SORCS1: variants seen among roughly 807,000 people sequenced by gnomAD.
The protein encoded by SORCS1 is VPS10 domain-containing receptor SorCS1.
A neutral mutation model predicts 146.1 loss-of-function variants in SORCS1; 60 were observed. The ratio of observed to expected loss-of-function variants is 0.41; its 90% CI spans 0.33 to 0.51. The LOEUF is 0.51. SORCS1 is among the 20% of genes least tolerant of loss of function. The pLI is 0.21. For synonymous variants in SORCS1, 637 were observed against 584.0 expected (o/e 1.09, Z -1.31); for missense variants, 1,352 against 1,487.6 (o/e 0.91, Z 1.50).
At chr10:106,778,571 G>T (rs1002184034) in intron 3 of SORCS1, among the ~76,000 whole-genome samples, 2 of 152,166 alleles carry the variant, frequency 1.3e-5, no homozygotes, top group Non-Finnish European at 2.9e-5. Context: ...ATATTTCCAA[G>T]TGAGTTCATA....
intron 6 of SORCS1, among the ~76,000 whole-genome samples, chr10:106,712,915 G>A (rs1387504756): frequency 2.6e-5 from 4 of 152,192 alleles, no homozygotes; most frequent in African/African-American, 9.7e-5. Flanking sequence ...CATATGCAAG[G>A]AGGAATGTTG....
At chr10:106,838,879 C>T (rs1948901535) in intron 2 of SORCS1, among the ~76,000 whole-genome samples, 1 of 152,102 alleles carries the variant, frequency 6.6e-6, no homozygotes, top group African/African-American at 2.4e-5. Context: ...TTATGGAGAT[C>T]CGTGATCAGT....
chr10:106,749,355 G>C (rs1206851920), intron 5 of SORCS1, among the ~76,000 whole-genome samples: 1 of 152,116 alleles, frequency 6.6e-6, no homozygotes, highest in Non-Finnish European at 1.5e-5. Flanking sequence ...TGTGACCTCA[G>C]GCCCCAAACC....
At chr10:106,610,133 C>T (rs1462220394) in intron 22 of SORCS1, among the ~76,000 whole-genome samples, 1 of 152,050 alleles carries the variant, frequency 6.6e-6, no homozygotes, top group Non-Finnish European at 1.5e-5. Context: ...ATGCTGAAAG[C>T]CATAGAGACA....
intron 9 of SORCS1, among the ~76,000 whole-genome samples, chr10:106,688,776 A>G (rs183333807): frequency 2.6e-5 from 4 of 152,354 alleles, no homozygotes; most frequent in Non-Finnish European, 5.9e-5. Context: ...ACAGATGAAG[A>G]AAGCTCAGGC....
At chr10:107,038,244 G>A (rs561284832) in intron 1 of SORCS1, among the ~76,000 whole-genome samples, 2 of 152,286 alleles carry the variant, frequency 1.3e-5, no homozygotes, top group Admixed American at 1.3e-4. Flanking sequence ...TTCCCTAGAT[G>A]GGGAAAACGA....
intron 1 of SORCS1, among the ~76,000 whole-genome samples, chr10:106,975,401 G>A (rs1353384455): frequency 2.0e-5 from 3 of 152,182 alleles, no homozygotes; most frequent in Non-Finnish European, 4.4e-5. Context: ...AAACTGTGTT[G>A]GTGTCAGCAT....
chr10:106,607,394 C>T, intron 22 of SORCS1, 97 bp from the exon 23 acceptor site: 1 of 1,499,330 alleles, frequency 6.7e-7, no homozygotes, highest in Non-Finnish European at 8.9e-7. Flanking sequence ...AGGCAGAAGA[C>T]ACCACAAGGG....
chr10:106,798,210 C>G (rs1351298197), intron 3 of SORCS1, among the ~76,000 whole-genome samples: 1 of 152,170 alleles, frequency 6.6e-6, no homozygotes, highest in East Asian at 1.9e-4. Context: ...TGCCTTTCAC[C>G]TTCTGCCATG....
intron 3 of SORCS1, among the ~76,000 whole-genome samples, chr10:106,821,703 C>T (rs891113206): frequency 1.7e-4 from 26 of 152,158 alleles, no homozygotes; most frequent in African/African-American, 4.3e-4. Context: ...GGGCGGATCC[C>T]GAGGTCAGGA....
At chr10:107,010,796 G>A (rs1957665938) in intron 1 of SORCS1, among the ~76,000 whole-genome samples, 1 of 152,178 alleles carries the variant, frequency 6.6e-6, no homozygotes, top group African/African-American at 2.4e-5. Context: ...GGCAATCGCA[G>A]TGTCTATTGG....
intron 5 of SORCS1, among the ~76,000 whole-genome samples, chr10:106,745,335 T>C (rs532092183): frequency 6.6e-6 from 1 of 150,974 alleles, no homozygotes; most frequent in African/African-American, 2.4e-5. Flanking sequence ...TGGGTGAACC[T>C]GGGAGGTGGA....
chr10:107,109,097 T>C (rs1281683626), intron 1 of SORCS1, among the ~76,000 whole-genome samples: 2 of 152,220 alleles, frequency 1.3e-5, no homozygotes, highest in South Asian at 2.1e-4. Flanking sequence ...TCACAGTGTG[T>C]TGAGTGCCTG....
chr10:106,894,268 T>C (rs1046804856), intron 2 of SORCS1, among the ~76,000 whole-genome samples: 2 of 110,372 alleles, frequency 1.8e-5, no homozygotes, highest in Non-Finnish European at 3.8e-5. Flanking sequence ...CGCGCACGTG[T>C]GCGTGTGTGT....
chr10:106,911,840 T>C (rs112869791), intron 2 of SORCS1, among the ~76,000 whole-genome samples: 6,484 of 151,986 alleles, frequency 0.043, 162 homozygotes, highest in Non-Finnish European at 0.052. Context: ...GGACTGGGTG[T>C]GGTGGCTCAC....
chr10:106,703,892 C>T (rs949722683), intron 8 of SORCS1, among the ~76,000 whole-genome samples: 1 of 152,084 alleles, frequency 6.6e-6, no homozygotes, highest in Non-Finnish European at 1.5e-5. Flanking sequence ...CTGTACTAGC[C>T]CCTATTTTTT....
chr10:107,086,166 T>C (rs1963745455), intron 1 of SORCS1, among the ~76,000 whole-genome samples: 1 of 152,200 alleles, frequency 6.6e-6, no homozygotes. Context: ...ATGGAATCAT[T>C]TAATAGTTTC....
chr10:107,006,659 T>C lies in SORCS1; in HGVS notation c.559-50079A>G, dbSNP rs537246687. ...GGTGAAACCCCATCTCTACTAAAAA[T>C]ACAAAAAATTAGCCGGATGTGGTGG... On this transcript the variant is annotated intron_variant, in intron 1 of 25. Coordinates refer to ENST00000263054, the MANE Select transcript of SORCS1 (RefSeq NM_052918.5). Among the ~76,000 whole-genome samples the C allele has an allele frequency of 2.5e-3, 383 of 152,140 alleles. 1 individual carries two copies. The highest frequency in any genetic ancestry group is 8.8e-3 in the African/African-American group (366 of 41,514).
At chr10:106,616,912 T>C (rs1189725970) in intron 21 of SORCS1, among the ~76,000 whole-genome samples, 1 of 151,510 alleles carries the variant, frequency 6.6e-6, no homozygotes, top group East Asian at 1.9e-4. Flanking sequence ...TGACATTATT[T>C]GGACCACGAG....
Sources: gnomAD v4.1 joint callset for allele counts (sites outside exome capture counted in the v4.1 genomes callset) on GRCh38, gnomAD v4.1.1 for gene constraint, MANE v1.5 for transcripts, NCBI Gene and HGNC (gene_info 2026-07-23, HGNC 2026-07-21) for gene names.